CD99L2: variants seen among roughly 807,000 people sequenced by gnomAD.
The protein encoded by CD99L2 is CD99 antigen-like protein 2.
In CD99L2, 24 loss-of-function variants were observed where a neutral mutation model predicts 27.3. The observed-to-expected ratio is 0.88, with a 90% CI of 0.64 to 1.24. The LOEUF (loss-of-function observed/expected upper bound fraction) is 1.24. CD99L2 is among the 50% of genes most tolerant of loss of function. The pLI, the probability that CD99L2 is intolerant of heterozygous loss-of-function variation, is 0.00. For synonymous variants in CD99L2, 97 were observed against 87.9 expected, an observed-to-expected ratio of 1.10 and a Z score of -0.58; for missense variants, 255 against 221.6, an observed-to-expected ratio of 1.15 and a Z score of -0.96.
At chrX:150,865,158 G>C (rs782435314) in intron 1 of CD99L2, among the ~76,000 whole-genome samples, 4 of 110,744 alleles carry the variant, frequency 3.6e-5, no homozygotes, top group African/African-American at 6.6e-5. Context: ...ATGAGGAGAG[G>C]GGGGGAAAGT....
At position 150,850,643 on chromosome X, in the gene CD99L2, G is replaced by A. The variant is rs2046775868; in HGVS notation, c.68-19350C>T. ...AAAGGATGATCTTATTTGTGTGAAGGACTAATATTTCCTATTCCATTTTAT... is the reference window on the plus strand; with the variant it reads ...AAAGGATGATCTTATTTGTGTGAAGAACTAATATTTCCTATTCCATTTTAT... On this transcript the variant is annotated intron_variant, in intron 1 of 10. Transcript: ENST00000370377. Among the ~76,000 whole-genome samples the A allele has an allele frequency of 1.8e-5, 2 of 111,856 alleles. 1 individual carries two copies. Among genetic ancestry groups the A allele is most frequent in the South Asian group, 7.5e-4 (2 of 2,662 alleles).
At chrX:150,778,685 A>T (rs1164518345) in intron 7 of CD99L2, among the ~76,000 whole-genome samples, 3,188 of 81,276 alleles carry the variant, frequency 0.039, 223 homozygotes, top group African/African-American at 0.15. Flanking sequence ...AAAAAAAAAA[A>T]ATATATATAT....
At chrX:150,817,526 T>C (rs1453707391) in intron 2 of CD99L2, among the ~76,000 whole-genome samples, 1 of 112,230 alleles carries the variant, frequency 8.9e-6, no homozygotes, top group East Asian at 2.8e-4. Flanking sequence ...GTTTTTCCAA[T>C]AGTTTCTTTT....
intron 4 of CD99L2, among the ~76,000 whole-genome samples, chrX:150,799,118 G>A (rs1199474976): frequency 1.8e-5 from 2 of 111,912 alleles, no homozygotes; most frequent in Admixed American, 9.5e-5. Flanking sequence ...ACAAGAATGG[G>A]AGAAAATATT....
intron 3 of CD99L2, 61 bp from the exon 4 acceptor site, chrX:150,814,997 T>C: frequency 8.7e-7 from 1 of 1,147,522 alleles, no homozygotes; most frequent in South Asian, 1.8e-5. Flanking sequence ...GGTATAAGAT[T>C]CCAAAATAAG....
chrX:150,890,311 T>C (rs1438690927), intron 1 of CD99L2, among the ~76,000 whole-genome samples: 1 of 108,974 alleles, frequency 9.2e-6, no homozygotes, highest in East Asian at 2.9e-4. Flanking sequence ...AAACCCCGTC[T>C]CTACTGAAAA....
intron 1 of CD99L2, among the ~76,000 whole-genome samples, chrX:150,893,313 T>G (rs782469456): frequency 8.1e-5 from 9 of 110,625 alleles, no homozygotes; most frequent in African/African-American, 3.0e-4. Context: ...AGGGAAGTTC[T>G]CCCTCTCCCT....
intron 1 of CD99L2, among the ~76,000 whole-genome samples, chrX:150,897,029 G>A (rs1557423101): frequency 8.9e-6 from 1 of 112,381 alleles, no homozygotes; most frequent in Non-Finnish European, 1.9e-5. Flanking sequence ...TCAGAAGACA[G>A]CTTTGAAGGG....
At chrX:150,786,644 C>T (rs1305539319) in intron 7 of CD99L2, among the ~76,000 whole-genome samples, 2 of 111,771 alleles carry the variant, frequency 1.8e-5, no homozygotes, top group Non-Finnish European at 3.8e-5. Flanking sequence ...AGGTTGATTC[C>T]GTGTCTTTGC....
chrX:150,851,270 G>A (rs1299934000), intron 1 of CD99L2, among the ~76,000 whole-genome samples: 1 of 111,996 alleles, frequency 8.9e-6, no homozygotes, highest in African/African-American at 3.2e-5. Flanking sequence ...TTCCCATTCT[G>A]TAGAAGGAAG....
chrX:150,858,801 A>AT (rs1337802294), intron 1 of CD99L2, among the ~76,000 whole-genome samples: 2 of 112,121 alleles, frequency 1.8e-5, no homozygotes, highest in Non-Finnish European at 3.8e-5. Context: ...CTAGAAAAGA[A>AT]TAATCCAAAC....
chrX:150,816,857 C>G (rs1674419318), intron 2 of CD99L2, among the ~76,000 whole-genome samples: 1 of 109,961 alleles, frequency 9.1e-6, no homozygotes, highest in Non-Finnish European at 1.9e-5. Context: ...CCATGGAATA[C>G]TATACAGCCA....
chrX:150,888,859 GTCCTCCTAGCT>G (rs782407293), intron 1 of CD99L2, among the ~76,000 whole-genome samples: 1 of 111,899 alleles, frequency 8.9e-6, no homozygotes, highest in Admixed American at 9.5e-5. Context: ...AGCCATTTGA[GTCCTCCTAGCT>G]GAGGTCCTAG....
intron 4 of CD99L2, among the ~76,000 whole-genome samples, chrX:150,800,247 G>C (rs1386114183): frequency 1.1e-4 from 12 of 111,094 alleles, no homozygotes; most frequent in Non-Finnish European, 2.3e-4. Context: ...AGGAGTTACT[G>C]TTGTAGGGGT....
chrX:150,854,797 G>A (rs147267883), intron 1 of CD99L2, among the ~76,000 whole-genome samples: 1,319 of 111,233 alleles, frequency 0.012, 12 homozygotes, highest in Non-Finnish European at 0.018. Context: ...CCAGAATCAT[G>A]AGATTATACA....
At chrX:150,787,083 T>C (rs782538474) in intron 7 of CD99L2, among the ~76,000 whole-genome samples, 1 of 112,423 alleles carries the variant, frequency 8.9e-6, no homozygotes, top group Admixed American at 9.4e-5. Context: ...GCTAGTAAAT[T>C]TGTTTAAGTT....
intron 4 of CD99L2, among the ~76,000 whole-genome samples, chrX:150,801,358 A>G (rs781798381): frequency 4.5e-5 from 5 of 112,237 alleles, no homozygotes; most frequent in African/African-American, 1.6e-4. Context: ...ACTTACGATC[A>G]TAGTGGAAGG....
At chrX:150,792,252 T>G (rs2045701797) in intron 7 of CD99L2, among the ~76,000 whole-genome samples, 1 of 112,492 alleles carries the variant, frequency 8.9e-6, no homozygotes, top group African/African-American at 3.2e-5. Flanking sequence ...CACTTCTTCC[T>G]TGCTAAAACA....
At position 150,822,727 on chromosome X, in the gene CD99L2, T is replaced by C. The variant is rs954408417; in HGVS notation, c.131-6649A>G. ...AACTATTTACCAAGTTGTATATGTG[T>C]CTCATAATATCATGTTATATACCTC... On this transcript the variant is annotated intron_variant, in intron 2 of 10. Coordinates refer to ENST00000370377, the MANE Select transcript of CD99L2 (RefSeq NM_031462.4). Among the ~76,000 whole-genome samples the C allele has an allele frequency of 3.6e-5, 4 of 112,516 alleles. No individual in the cohort carries two copies. The Admixed American group carries it at 3.8e-4, about 11-fold the overall frequency.
Sources: gnomAD v4.1 joint callset for allele counts (sites outside exome capture counted in the v4.1 genomes callset) on GRCh38, gnomAD v4.1.1 for gene constraint, MANE v1.5 for transcripts, NCBI Gene and HGNC (gene_info 2026-07-23, HGNC 2026-07-21) for gene names.